PRKG1: variants seen among roughly 807,000 people sequenced by gnomAD.
PRKG1 encodes cGMP-dependent protein kinase 1.
PRKG1 carries 35 observed loss-of-function variants against 88.1 expected under a neutral mutation model. The observed-to-expected ratio is 0.40, with a 90% CI of 0.30 to 0.53. The LOEUF (loss-of-function observed/expected upper bound fraction) is 0.53. Among genes scored for constraint, PRKG1 ranks in the 20% least tolerant of loss-of-function variants. PRKG1 has a pLI of 0.59. For synonymous variants in PRKG1, 303 were observed against 292.5 expected, an observed-to-expected ratio of 1.04 and a Z score of -0.37; for missense variants, 540 against 839.8, an observed-to-expected ratio of 0.64 and a Z score of 4.41.
chr10:51,868,305 A>G (rs1841068159), intron 4 of PRKG1, among the ~76,000 whole-genome samples: 1 of 152,164 alleles, frequency 6.6e-6, no homozygotes, highest in South Asian at 2.1e-4. Context: ...ACTAGAGCAG[A>G]GGGCATGATG....
chr10:51,389,109 G>T (rs12246479), intron 2 of PRKG1, among the ~76,000 whole-genome samples: 52,508 of 152,058 alleles, frequency 0.35, 9,886 homozygotes, highest in Middle Eastern at 0.43. Flanking sequence ...TGTAGGAAAA[G>T]TTGCCTCTGA....
intron 9 of PRKG1, among the ~76,000 whole-genome samples, chr10:52,165,425 T>G (rs1838407664): frequency 6.6e-6 from 1 of 152,182 alleles, no homozygotes; most frequent in South Asian, 2.1e-4. Flanking sequence ...TTTAAGGAAT[T>G]TATAAGGGTT....
At chr10:51,471,114 A>T (rs748731035) in intron 3 of PRKG1, among the ~76,000 whole-genome samples, 19 of 151,778 alleles carry the variant, frequency 1.3e-4, no homozygotes, top group South Asian at 6.2e-4. Context: ...TAAAATTAAC[A>T]TTATATTGGA....
intron 3 of PRKG1, among the ~76,000 whole-genome samples, chr10:51,593,053 G>A (rs931659445): frequency 2.0e-5 from 3 of 152,232 alleles, no homozygotes; most frequent in Admixed American, 6.5e-5. Flanking sequence ...TCAGATTAGC[G>A]TTTTGTACTT....
chr10:51,981,638 G>T lies in PRKG1; in HGVS notation c.763-72846G>T, dbSNP rs567696194. ...ATAAAAAAAAGAATATTTAATACTG[G>T]CCCCCAATCTCTTCTGGCTTGTAGG... is the stretch of plus-strand genomic sequence containing the variant. On this transcript the variant is annotated intron_variant, in intron 5 of 17. Coordinates refer to ENST00000373980, the MANE Select transcript of PRKG1 (RefSeq NM_006258.4). Among the ~76,000 whole-genome samples, 19 of 152,076 alleles carry T rather than the reference G, an allele frequency of 1.2e-4. No homozygotes were observed. In the East Asian group the frequency reaches 3.3e-3, roughly 26 times the overall value.
rs553250386 is a variant in PRKG1 at position 51,873,507 on chromosome 10, T to A, written c.699-34000T>A. Among the ~76,000 whole-genome samples the A allele has an allele frequency of 4.6e-5, 7 of 151,406 alleles. No individual in the cohort carries two copies. In the East Asian group the frequency reaches 1.4e-3, roughly 29 times the overall value. The stretch of plus-strand genomic sequence containing the variant: ...CTACATTCTTAGCTTGAATAATTTC[T>A]AAATTAATAAAATAAATAATCTTTT... On this transcript the variant is annotated intron_variant, in intron 4 of 17. Coordinates refer to ENST00000373980, the MANE Select transcript of PRKG1 (RefSeq NM_006258.4).
intron 9 of PRKG1, among the ~76,000 whole-genome samples, chr10:52,175,195 C>A (rs1305154407): frequency 2.6e-5 from 4 of 151,984 alleles, no homozygotes. Context: ...TCTATGTGAT[C>A]AATTTTGTTT....
At chr10:51,761,557 C>G (rs1358177519) in intron 3 of PRKG1, among the ~76,000 whole-genome samples, 2 of 152,160 alleles carry the variant, frequency 1.3e-5, no homozygotes, top group African/African-American at 4.8e-5. Flanking sequence ...CATATCCAGA[C>G]AAAGTGAAGA....
intron 3 of PRKG1, among the ~76,000 whole-genome samples, chr10:51,671,479 C>T (rs1488093556): frequency 6.6e-6 from 1 of 152,142 alleles, no homozygotes; most frequent in Non-Finnish European, 1.5e-5. Context: ...CAATCCTTTA[C>T]CTTTCTTGGC....
At chr10:51,596,733 T>C (rs1838458461) in intron 3 of PRKG1, among the ~76,000 whole-genome samples, 1 of 152,180 alleles carries the variant, frequency 6.6e-6, no homozygotes, top group Non-Finnish European at 1.5e-5. Flanking sequence ...TTTAAAGAAA[T>C]AATCAATGCG....
At chr10:52,069,601 A>G in intron 7 of PRKG1, among the ~76,000 whole-genome samples, 1 of 152,142 alleles carries the variant, frequency 6.6e-6, no homozygotes. Flanking sequence ...GGATTTTAAT[A>G]TTTTTCCATA....
intron 5 of PRKG1, among the ~76,000 whole-genome samples, chr10:52,053,523 T>C (rs1216026868): frequency 6.6e-6 from 1 of 152,194 alleles, no homozygotes; most frequent in Non-Finnish European, 1.5e-5. Context: ...CCCAAAAATA[T>C]AGCTTCTCTG....
chr10:51,018,380 C>T (rs924333936), intron 1 of PRKG1, among the ~76,000 whole-genome samples: 2 of 151,824 alleles, frequency 1.3e-5, no homozygotes, highest in African/African-American at 2.4e-5. Context: ...TCTTCTTTTT[C>T]CTTGTCTGTT....
At chr10:51,821,388 T>C (rs1839741131) in intron 4 of PRKG1, among the ~76,000 whole-genome samples, 1 of 152,130 alleles carries the variant, frequency 6.6e-6, no homozygotes, top group African/African-American at 2.4e-5. Context: ...CTGGGTTATA[T>C]AGGAAGCATA....
At chr10:51,563,690 A>G (rs866179803) in intron 3 of PRKG1, among the ~76,000 whole-genome samples, 2 of 152,334 alleles carry the variant, frequency 1.3e-5, no homozygotes, top group African/African-American at 4.8e-5. Context: ...CAGAAGAAGG[A>G]AACATAATTT....
In PRKG1 at chr10:51,582,709, G is replaced by A. The variant is rs184000017; in HGVS notation, c.592+114873G>A. On this transcript the variant is annotated intron_variant, in intron 3 of 17. Transcript: ENST00000373980. ...TTTCTTTATCCAGTCTATCATTGAT[G>A]GGCATTTGGGTTGGTTCCATGTCTT... Among the ~76,000 whole-genome samples the A allele has an allele frequency of 2.4e-3, 368 of 152,210 alleles. 3 individuals are homozygous for A. Among genetic ancestry groups the A allele is most frequent in the African/African-American group, 8.6e-3 (357 of 41,548 alleles).
intron 4 of PRKG1, among the ~76,000 whole-genome samples, chr10:51,846,878 G>A (rs990343010): frequency 1.3e-5 from 2 of 151,858 alleles, no homozygotes; most frequent in Non-Finnish European, 2.9e-5. Flanking sequence ...CTTGAAATTG[G>A]GTTATAAATT....
At chr10:52,271,984 T>G (rs1421497896) in intron 11 of PRKG1, among the ~76,000 whole-genome samples, 1 of 152,084 alleles carries the variant, frequency 6.6e-6, no homozygotes, top group East Asian at 1.9e-4. Flanking sequence ...AGATGTAACA[T>G]GAATTTGAGC....
intron 5 of PRKG1, among the ~76,000 whole-genome samples, chr10:51,981,050 A>G (rs549288346): frequency 3.3e-5 from 5 of 152,150 alleles, no homozygotes; most frequent in African/African-American, 1.2e-4. Flanking sequence ...ATTATGCAGA[A>G]TCTTTTGTGG....
Sources: allele counts gnomAD v4.1 joint callset (sites outside exome capture counted in the v4.1 genomes callset), GRCh38; gene constraint gnomAD v4.1.1; transcripts MANE v1.5; gene names NCBI Gene and HGNC (gene_info 2026-07-23, HGNC 2026-07-21).